The following ZFHX3 variants were observed in gnomAD, a reference collection of about 807,000 sequenced individuals.
ZFHX3 encodes zinc finger homeobox 3, also known as zinc finger homeobox protein 3.
In ZFHX3, 42 loss-of-function variants were observed where a neutral mutation model predicts 279.1. That is an observed-to-expected ratio of 0.15 (90% CI 0.12 to 0.19). ZFHX3 has a LOEUF of 0.19. Among genes scored for constraint, ZFHX3 ranks in the 10% least tolerant of loss-of-function variants. ZFHX3 has a pLI of 1.00. For missense variants in ZFHX3, 4,981 were observed against 4,754.0 expected (o/e 1.05, Z -1.40); for synonymous variants, 2,293 against 1,957.8 (o/e 1.17, Z -4.52).
intron 1 of ZFHX3, among the ~76,000 whole-genome samples, chr16:73,799,076 A>G (rs1300120447): frequency 6.6e-6 from 1 of 152,152 alleles, no homozygotes; most frequent in South Asian, 2.1e-4. Flanking sequence ...GCAATGGGGT[A>G]AAAAAGCAAG....
chr16:73,143,080 T>G (rs1966851667), intron 6 of ZFHX3, among the ~76,000 whole-genome samples: 1 of 145,764 alleles, frequency 6.9e-6, no homozygotes. Context: ...ACCCAACAGA[T>G]TTTTTTTTTT....
At chr16:72,983,101 A>C (rs1159485292) in intron 1 of ZFHX3, among the ~76,000 whole-genome samples, 1 of 152,050 alleles carries the variant, frequency 6.6e-6, no homozygotes, top group Non-Finnish European at 1.5e-5. Context: ...TATGGGTGTG[A>C]GCAGTTTCTT....
At chr16:73,386,299 A>G (rs1057235533) in intron 3 of ZFHX3, among the ~76,000 whole-genome samples, 2 of 152,074 alleles carry the variant, frequency 1.3e-5, no homozygotes, top group African/African-American at 4.8e-5. Context: ...AACCCACAGG[A>G]CTCAGGTTCA....
intron 2 of ZFHX3, among the ~76,000 whole-genome samples, chr16:73,553,015 G>A (rs1014588556): frequency 6.6e-6 from 1 of 152,104 alleles, no homozygotes; most frequent in Admixed American, 6.6e-5. Context: ...CATTCTGCCG[G>A]GCTCTGCTAA....
chr16:73,104,209 G>A (rs956300493), intron 7 of ZFHX3, among the ~76,000 whole-genome samples: 1 of 147,688 alleles, frequency 6.8e-6, no homozygotes, highest in Non-Finnish European at 1.5e-5. Context: ...GCTCCCTATG[G>A]ATTTATTTTA....
At chr16:73,414,664 C>A (rs1465545721) in intron 3 of ZFHX3, among the ~76,000 whole-genome samples, 1 of 152,128 alleles carries the variant, frequency 6.6e-6, no homozygotes, top group Non-Finnish European at 1.5e-5. Context: ...AGGGAGACCC[C>A]CATCTCTACA....
intron 2 of ZFHX3, among the ~76,000 whole-genome samples, chr16:73,582,824 T>C (rs920616836): frequency 6.6e-6 from 1 of 151,662 alleles, no homozygotes; most frequent in East Asian, 1.9e-4. Flanking sequence ...AACTCTTGCA[T>C]TGGAGTTATA....
chr16:73,284,642 GT>G (rs945966073), intron 4 of ZFHX3, among the ~76,000 whole-genome samples: 1 of 151,580 alleles, frequency 6.6e-6, no homozygotes, highest in Admixed American at 6.6e-5. Context: ...ATAAGTCTCT[GT>G]TTTTTTTGTT....
intron 5 of ZFHX3, among the ~76,000 whole-genome samples, chr16:73,170,829 G>T (rs943357314): frequency 2.0e-5 from 3 of 152,106 alleles, no homozygotes; most frequent in Non-Finnish European, 4.4e-5. Context: ...ACCTGAATTG[G>T]CTCTTCCCCT....
At position 73,251,754 on chromosome 16, in the gene ZFHX3, CCA is replaced by C. The variant is rs1296818552; in HGVS notation, c.-1104+5291_-1104+5292del. On this transcript the variant is annotated intron_variant, in intron 5 of 17. Coordinates refer to the ZFHX3 transcript ENST00000641206. ...CACACCATGCACACACACATACACA[CCA>C]CACACACACACACCATGCACACAAA... Among the ~76,000 whole-genome samples the C allele has an allele frequency of 3.4e-3, 358 of 103,928 alleles. 1 individual carries two copies. The highest frequency in any genetic ancestry group is 0.01 in the African/African-American group (247 of 23,878). The allele number at this position is 103,928 out of a possible 152,430, so 68.2% of individuals were successfully genotyped here.
At chr16:73,028,073 G>A (rs920999459) in intron 1 of ZFHX3, among the ~76,000 whole-genome samples, 6 of 152,052 alleles carry the variant, frequency 3.9e-5, no homozygotes, top group Admixed American at 1.3e-4. Flanking sequence ...ACAGTGGGTC[G>A]GGTCAGGGCA....
At chr16:73,369,436 A>T (rs2016584041) in intron 3 of ZFHX3, among the ~76,000 whole-genome samples, 2 of 152,238 alleles carry the variant, frequency 1.3e-5, no homozygotes, top group Non-Finnish European at 2.9e-5. Flanking sequence ...CCGTGAAGCC[A>T]GCACCCATGG....
chr16:73,550,030 G>A (rs1053784541), intron 2 of ZFHX3, among the ~76,000 whole-genome samples: 1 of 151,992 alleles, frequency 6.6e-6, no homozygotes, highest in African/African-American at 2.4e-5. Context: ...TCAGACGGGC[G>A]AGGGGTGGGA....
intron 7 of ZFHX3, chr16:73,123,265 G>A (rs1966522620): frequency 6.7e-6 from 1 of 148,520 alleles, no homozygotes; most frequent in Non-Finnish European, 1.5e-5. Flanking sequence ...CGTGGAGTCA[G>A]TTTCACCAGC....
chr16:73,165,971 A>T (rs1409296271), intron 5 of ZFHX3, among the ~76,000 whole-genome samples: 2 of 152,202 alleles, frequency 1.3e-5, no homozygotes, highest in Non-Finnish European at 2.9e-5. Flanking sequence ...TAACAGGTTT[A>T]TGTAATTTAA....
chr16:72,993,840 T>TC (rs1963181431), intron 1 of ZFHX3, among the ~76,000 whole-genome samples: 1 of 152,118 alleles, frequency 6.6e-6, no homozygotes, highest in Non-Finnish European at 1.5e-5. Context: ...TCTTCAAACT[T>TC]CATTTCCTCT....
Position 72,957,923 on chromosome 16 carries a change from G to A in ZFHX3, c.2223C>T (p.Leu741=), listed in dbSNP as rs894998355. ...GCTTGTCAGACTGCATATGAATACT[G>A]AGGTTGCCTTTGGTAGTTGTGGAGT... ...CNYSTTTKGN[L]SIHMQSDKHL... is the part of the protein sequence containing the mutation. Residue 741 remains leucine, a synonymous_variant, in exon 2 of 10, where the codon CTC becomes CTT. Coordinates refer to ENST00000268489, the MANE Select transcript of ZFHX3 (RefSeq NM_006885.4). 6 of 1,614,066 alleles carry A rather than the reference G, an allele frequency of 3.7e-6. No individual in the cohort carries two copies. In the East Asian group the frequency reaches 1.1e-4, roughly 30 times the overall value.
At chr16:73,686,070 A>G (rs1162527082) in intron 1 of ZFHX3, among the ~76,000 whole-genome samples, 1 of 152,108 alleles carries the variant, frequency 6.6e-6, no homozygotes, top group East Asian at 1.9e-4. Context: ...CAAGAGGGTA[A>G]TAGTATATTC....
chr16:72,828,245 G>T (rs1417950215), intron 5 of ZFHX3, among the ~76,000 whole-genome samples: 1 of 152,142 alleles, frequency 6.6e-6, no homozygotes, highest in Admixed American at 6.5e-5. Context: ...TATTAATAAT[G>T]GTAGTAAGAA....
Sources: allele counts gnomAD v4.1 joint callset (sites outside exome capture counted in the v4.1 genomes callset), GRCh38; gene constraint gnomAD v4.1.1; transcripts MANE v1.5; gene names NCBI Gene and HGNC (gene_info 2026-07-23, HGNC 2026-07-21).